HS3ST5: variants seen among roughly 807,000 people sequenced by gnomAD.
HS3ST5 encodes heparan sulfate glucosamine 3-O-sulfotransferase 5.
HS3ST5 carries 10 observed loss-of-function variants against 25.4 expected under a neutral mutation model. That is an observed-to-expected ratio of 0.39 (90% CI 0.24 to 0.67). The LOEUF is 0.67. Ranked by LOEUF, HS3ST5 falls within the 30% of genes least tolerant of loss-of-function variation. The pLI, the probability that HS3ST5 is intolerant of heterozygous loss-of-function variation, is 0.44. For synonymous variants in HS3ST5, 170 were observed against 162.4 expected (o/e 1.05, Z -0.36); for missense variants, 324 against 420.7 (o/e 0.77, Z 2.01).
chr6:114,110,635 C>G (rs1776221991), intron 3 of HS3ST5, among the ~76,000 whole-genome samples: 1 of 152,018 alleles, frequency 6.6e-6, no homozygotes. Context: ...TGTGGAAGAG[C>G]TAGGCTTTAT....
chr6:114,265,179 G>A (rs1034155228), intron 1 of HS3ST5, among the ~76,000 whole-genome samples: 4 of 152,022 alleles, frequency 2.6e-5, no homozygotes, highest in East Asian at 3.9e-4. Context: ...GCCACCTCCC[G>A]GCCAGGAAGA....
intron 3 of HS3ST5, among the ~76,000 whole-genome samples, chr6:114,110,119 C>G (rs1343201798): frequency 6.6e-6 from 1 of 152,128 alleles, no homozygotes; most frequent in East Asian, 1.9e-4. Flanking sequence ...AAAATATTCA[C>G]CTCTTGGGAT....
intron 3 of HS3ST5, among the ~76,000 whole-genome samples, chr6:114,083,434 G>A (rs1774579602): frequency 2.0e-5 from 3 of 152,078 alleles, no homozygotes; most frequent in Admixed American, 2.0e-4. Flanking sequence ...GATGGGAGTG[G>A]GGGAGTGGGG....
intron 1 of HS3ST5, among the ~76,000 whole-genome samples, chr6:114,339,493 T>G (rs776888398): frequency 6.6e-6 from 1 of 152,074 alleles, no homozygotes; most frequent in South Asian, 2.1e-4. Flanking sequence ...ACGTTACTGT[T>G]TCTGAGATTG....
chr6:114,338,403 G>A (rs1043187599), intron 1 of HS3ST5, among the ~76,000 whole-genome samples: 2 of 151,450 alleles, frequency 1.3e-5, no homozygotes, highest in African/African-American at 4.8e-5. Context: ...GTTAGGCAAA[G>A]TGGTCTAAAG....
At chr6:114,097,647 G>A (rs1275342772) in intron 3 of HS3ST5, among the ~76,000 whole-genome samples, 2 of 151,850 alleles carry the variant, frequency 1.3e-5, no homozygotes, top group East Asian at 1.9e-4. Flanking sequence ...TGGAAAATAT[G>A]AGCACTTTGA....
At chr6:114,136,669 A>G (rs1018511476) in intron 3 of HS3ST5, among the ~76,000 whole-genome samples, 1 of 152,138 alleles carries the variant, frequency 6.6e-6, no homozygotes, top group African/African-American at 2.4e-5. Flanking sequence ...TGCTGCTCTT[A>G]TTTTATATTT....
chr6:114,141,858 T>TTGTGTGTG (rs59862071), intron 3 of HS3ST5, among the ~76,000 whole-genome samples: 4 of 141,266 alleles, frequency 2.8e-5, no homozygotes, highest in African/African-American at 1.0e-4. Flanking sequence ...AGATGATAGT[T>TTGTGTGTG]TGTGTGTGTG....
intron 1 of HS3ST5, among the ~76,000 whole-genome samples, chr6:114,255,783 A>G (rs1471682095): frequency 1.3e-5 from 2 of 152,294 alleles, no homozygotes; most frequent in South Asian, 4.1e-4. Flanking sequence ...CCATGACTAG[A>G]GTGGCTGGGA....
intron 3 of HS3ST5, 103 bp from the exon 4 acceptor site, chr6:114,062,980 G>A: frequency 3.2e-6 from 2 of 626,424 alleles, no homozygotes; most frequent in South Asian, 2.0e-5. Flanking sequence ...ACTGCACAAA[G>A]AGCAGATCCC....
At chr6:114,118,193 T>A (rs1776621883) in intron 3 of HS3ST5, among the ~76,000 whole-genome samples, 1 of 152,166 alleles carries the variant, frequency 6.6e-6, no homozygotes, top group Non-Finnish European at 1.5e-5. Context: ...GACCTTGAGG[T>A]ACCATTGAGA....
intron 3 of HS3ST5, among the ~76,000 whole-genome samples, chr6:114,157,396 G>C (rs1397489459): frequency 6.6e-6 from 1 of 152,120 alleles, no homozygotes; most frequent in Non-Finnish European, 1.5e-5. Context: ...GGCTTATTCT[G>C]AGAGTATAAT....
intron 2 of HS3ST5, among the ~76,000 whole-genome samples, chr6:114,222,647 A>G (rs1782095669): frequency 1.3e-5 from 2 of 151,846 alleles, no homozygotes; most frequent in Non-Finnish European, 3.0e-5. Context: ...GGCACAGTGT[A>G]TATATACCCT....
intron 3 of HS3ST5, among the ~76,000 whole-genome samples, chr6:114,114,315 T>G (rs1776410786): frequency 6.6e-6 from 1 of 152,150 alleles, no homozygotes. Flanking sequence ...CCTTCTACTT[T>G]ATCCATTGTG....
intron 1 of HS3ST5, among the ~76,000 whole-genome samples, chr6:114,268,045 C>T (rs1773483660): frequency 6.6e-6 from 1 of 152,146 alleles, no homozygotes; most frequent in Admixed American, 6.6e-5. Flanking sequence ...GAGCTTTCTG[C>T]CAAACAACCA....
intron 3 of HS3ST5, among the ~76,000 whole-genome samples, chr6:114,146,291 A>G (rs1425716373): frequency 6.6e-6 from 1 of 152,222 alleles, no homozygotes; most frequent in African/African-American, 2.4e-5. Flanking sequence ...AAGGTAGTCA[A>G]CTTTGTTCCT....
At chr6:114,295,283 AT>A (rs1342049309) in intron 1 of HS3ST5, among the ~76,000 whole-genome samples, 1 of 152,208 alleles carries the variant, frequency 6.6e-6, no homozygotes, top group Non-Finnish European at 1.5e-5. Flanking sequence ...TAATCAATAA[AT>A]TTTGTCTATG....
At chr6:114,189,949 A>C (rs1582697602) in intron 2 of HS3ST5, among the ~76,000 whole-genome samples, 1 of 152,142 alleles carries the variant, frequency 6.6e-6, no homozygotes, top group African/African-American at 2.4e-5. Context: ...TTTCATTTTG[A>C]ACTGACCAAA....
chr6:114,140,312 C>T (rs114151322), intron 3 of HS3ST5, among the ~76,000 whole-genome samples: 2,940 of 152,262 alleles, frequency 0.019, 96 homozygotes, highest in African/African-American at 0.066. Flanking sequence ...AAAAGTGATA[C>T]TGGCTTGCCA....
Sources: gnomAD v4.1 joint callset for allele counts (sites outside exome capture counted in the v4.1 genomes callset) on GRCh38, gnomAD v4.1.1 for gene constraint, MANE v1.5 for transcripts, NCBI Gene and HGNC (gene_info 2026-07-23, HGNC 2026-07-21) for gene names.